Variants in NAALADL2 observed in about 807,000 individuals in gnomAD.
NAALADL2 encodes the protein inactive N-acetylated-alpha-linked acidic dipeptidase-like protein 2.
Under a neutral mutation model 87.2 loss-of-function variants are expected in NAALADL2, and 76 were observed. The observed-to-expected ratio is 0.87, with a 90% confidence interval of 0.72 to 1.05. The LOEUF (loss-of-function observed/expected upper bound fraction) is 1.05. Ranked by LOEUF, NAALADL2 falls within the 50% of genes least tolerant of loss-of-function variation. The pLI, the probability that NAALADL2 is intolerant of heterozygous loss-of-function variation, is 0.00. For missense variants in NAALADL2, 1,089 were observed against 945.8 expected, an observed-to-expected ratio of 1.15 and a Z score of -1.99; for synonymous variants, 354 against 331.0, an observed-to-expected ratio of 1.07 and a Z score of -0.75.
chr3:175,798,656 C>G (rs1029698896), intron 13 of NAALADL2, among the ~76,000 whole-genome samples: 5 of 152,026 alleles, frequency 3.3e-5, no homozygotes, highest in African/African-American at 1.2e-4. Context: ...AGTTCTAAAA[C>G]AGTAATCATT....
chr3:174,531,362 T>A (rs1289978974), intron 1 of NAALADL2, among the ~76,000 whole-genome samples: 2 of 152,144 alleles, frequency 1.3e-5, no homozygotes, highest in Non-Finnish European at 2.9e-5. Flanking sequence ...AGAGTGATAG[T>A]GGGATTACCT....
At chr3:175,476,909 T>C (rs949809795) in intron 9 of NAALADL2, among the ~76,000 whole-genome samples, 1 of 152,134 alleles carries the variant, frequency 6.6e-6, no homozygotes, top group Non-Finnish European at 1.5e-5. Flanking sequence ...TCTGGAATAA[T>C]AAAAATAACA....
At chr3:174,917,671 C>T (rs1734592415) in intron 1 of NAALADL2, among the ~76,000 whole-genome samples, 1 of 151,602 alleles carries the variant, frequency 6.6e-6, no homozygotes, top group Non-Finnish European at 1.5e-5. Context: ...TATTTGAAAC[C>T]TTTATGGTTT....
intron 5 of NAALADL2, among the ~76,000 whole-genome samples, chr3:175,333,984 A>G (rs762312850): frequency 1.6e-4 from 25 of 152,160 alleles, no homozygotes; most frequent in Non-Finnish European, 3.4e-4. Context: ...AAGAAATAAC[A>G]ATAAAAATTG....
chr3:175,200,772 A>C (rs1739902830), intron 2 of NAALADL2, among the ~76,000 whole-genome samples: 1 of 152,212 alleles, frequency 6.6e-6, no homozygotes, highest in South Asian at 2.1e-4. Flanking sequence ...TCTTTCCTGC[A>C]AACTTTTCTT....
chr3:174,677,453 G>C (rs951450772), intron 2 of NAALADL2, among the ~76,000 whole-genome samples: 1 of 151,602 alleles, frequency 6.6e-6, no homozygotes, highest in African/African-American at 2.4e-5. Flanking sequence ...TTTTCATTTT[G>C]TGTTTCTAAT....
intron 2 of NAALADL2, among the ~76,000 whole-genome samples, chr3:175,107,990 T>C (rs992478893): frequency 6.6e-6 from 1 of 151,962 alleles, no homozygotes; most frequent in Non-Finnish European, 1.5e-5. Context: ...CTCTTTCCTT[T>C]CATTATAACT....
intron 11 of NAALADL2, chr3:175,675,731 T>C (rs1266807113): frequency 1.3e-5 from 2 of 152,196 alleles, no homozygotes; most frequent in Non-Finnish European, 2.9e-5. Context: ...TCCTGTTGAC[T>C]CTTGTCAGCA....
chr3:175,382,540 A>C (rs2148990044), intron 5 of NAALADL2, among the ~76,000 whole-genome samples: 1 of 52,808 alleles, frequency 1.9e-5, no homozygotes, highest in Non-Finnish European at 4.3e-5. Flanking sequence ...CATGGTTATA[A>C]GAAAGTATCA....
chr3:174,886,981 G>C (rs1462311635), intron 1 of NAALADL2, among the ~76,000 whole-genome samples: 2 of 152,010 alleles, frequency 1.3e-5, no homozygotes, highest in Non-Finnish European at 2.9e-5. Context: ...GACAAACGTG[G>C]GTACATTTTT....
chr3:175,632,310 C>CTCTCAA (rs71164648), intron 11 of NAALADL2, among the ~76,000 whole-genome samples: 3 of 145,374 alleles, frequency 2.1e-5, no homozygotes, highest in Admixed American at 6.9e-5. Context: ...CTCTCTCTCT[C>CTCTCAA]CTACTCCCTA....
intron 2 of NAALADL2, among the ~76,000 whole-genome samples, chr3:174,733,381 A>G (rs920638111): frequency 2.6e-5 from 4 of 152,236 alleles, no homozygotes; most frequent in Non-Finnish European, 4.4e-5. Context: ...GATCAGTCAA[A>G]GGCATTATGT....
At chr3:174,537,349 T>C (rs1180028705) in intron 1 of NAALADL2, among the ~76,000 whole-genome samples, 1 of 152,210 alleles carries the variant, frequency 6.6e-6, no homozygotes, top group East Asian at 1.9e-4. Context: ...TTATAGATCA[T>C]GCTATCATTT....
At chr3:175,477,592 T>C (rs748346152) in intron 9 of NAALADL2, among the ~76,000 whole-genome samples, 2 of 152,152 alleles carry the variant, frequency 1.3e-5, no homozygotes, top group South Asian at 2.1e-4. Flanking sequence ...CATCCTGTTA[T>C]ATCATTTTCA....
At chr3:174,610,105 A>G (rs1457949325) in intron 2 of NAALADL2, among the ~76,000 whole-genome samples, 1 of 151,444 alleles carries the variant, frequency 6.6e-6, no homozygotes, top group Admixed American at 6.6e-5. Flanking sequence ...AAAACTGGCT[A>G]GCCATATGTA....
intron 2 of NAALADL2, among the ~76,000 whole-genome samples, chr3:174,720,138 G>A (rs1463283744): frequency 6.6e-6 from 1 of 151,992 alleles, no homozygotes; most frequent in Non-Finnish European, 1.5e-5. Context: ...GAAATAATTT[G>A]CTTTATGAAA....
rs202214379 is a variant in NAALADL2 at position 175,324,260 on chromosome 3, A to C, written c.1025A>C (p.His342Pro). ...TTGCCAAAGACTGTGAATCCTAGCC[A>C]TGATACCTTCATGGTGTCACTGAAT... is the stretch of plus-strand genomic sequence containing the variant. ...CDLPKTVNPSHDTFMVSLNPG... is the reference protein window; with the variant it reads ...CDLPKTVNPSPDTFMVSLNPG... Residue 342 changes from histidine (H) to proline (P), a missense_variant, in exon 5 of 14, where the codon CAT becomes CCT. By Grantham distance (77) the His-to-Pro change is moderately conservative. Coordinates refer to ENST00000454872, the MANE Select transcript of NAALADL2 (RefSeq NM_207015.3). 1.7e-4 allele frequency: 281 copies of C among 1,613,768 alleles called. No individual in the cohort carries two copies. In the African/African-American group the frequency reaches 3.3e-3, roughly 19 times the overall value.
chr3:175,373,981 C>T (rs1200962170), intron 5 of NAALADL2, among the ~76,000 whole-genome samples: 1 of 152,012 alleles, frequency 6.6e-6, no homozygotes, highest in Non-Finnish European at 1.5e-5. Context: ...ATGCATATTT[C>T]TCTGTATATA....
At chr3:174,679,558 T>C (rs1727341245) in intron 2 of NAALADL2, among the ~76,000 whole-genome samples, 1 of 152,176 alleles carries the variant, frequency 6.6e-6, no homozygotes, top group Admixed American at 6.5e-5. Context: ...TGTCGTGGGA[T>C]CTTTGGGGTG....
Sources: gnomAD v4.1 joint callset for allele counts (sites outside exome capture counted in the v4.1 genomes callset) on GRCh38, gnomAD v4.1.1 for gene constraint, MANE v1.5 for transcripts, NCBI Gene and HGNC (gene_info 2026-07-23, HGNC 2026-07-21) for gene names.